CSMD1: variants seen among roughly 807,000 people sequenced by gnomAD.
CSMD1 encodes CUB and sushi domain-containing protein 1.
Under a neutral mutation model 417.5 loss-of-function variants are expected in CSMD1, and 213 were observed. The ratio of observed to expected loss-of-function variants is 0.51; its 90% CI spans 0.46 to 0.57. CSMD1 has a LOEUF of 0.57. Ranked by LOEUF, CSMD1 falls within the 20% of genes least tolerant of loss-of-function variation. The pLI is 0.00. For missense variants in CSMD1, 6,923 were observed against 4,529.7 expected (o/e 1.53, Z -15.17); for synonymous variants, 2,862 against 1,736.8 (o/e 1.65, Z -16.11).
chr8:3,999,216 A>G (rs903569103), intron 4 of CSMD1, among the ~76,000 whole-genome samples: 8 of 151,614 alleles, frequency 5.3e-5, no homozygotes, highest in African/African-American at 9.7e-5. Context: ...TTTAACAGTC[A>G]TTAATTCTGA....
chr8:4,144,811 A>G (rs1804011865), intron 3 of CSMD1, among the ~76,000 whole-genome samples: 2 of 151,044 alleles, frequency 1.3e-5, no homozygotes, highest in African/African-American at 5.0e-5. Flanking sequence ...TGCATCACCA[A>G]AAAGCAACAT....
intron 11 of CSMD1, among the ~76,000 whole-genome samples, chr8:3,483,086 A>G (rs932022404): frequency 4.6e-5 from 7 of 152,154 alleles, no homozygotes; most frequent in African/African-American, 1.7e-4. Context: ...GTAATGCAAA[A>G]TAGACTCAAA....
intron 5 of CSMD1, among the ~76,000 whole-genome samples, chr8:3,878,222 G>C (rs888522184): frequency 1.3e-5 from 2 of 152,098 alleles, no homozygotes; most frequent in African/African-American, 4.8e-5. Context: ...ATATCAAGTA[G>C]TGAGAAGTCG....
rs773522169 is a variant in CSMD1 at position 2,942,480 on chromosome 8, G to A, written c.10527C>T (p.Tyr3509=). The change falls in exon 69 of 70, where the codon TAC becomes TAT. Residue 3509 remains tyrosine, a synonymous_variant. Transcript: ENST00000635120. ...LILSGFAFYL[Y]KHRTRPKVQY... The stretch of plus-strand genomic sequence containing the variant: ...TGGTGTTTCTGCAGTACCTGTGTTT[G>A]TAGAGGTAAAATGCAAACCCTGATA... The A allele has an allele frequency of 1.9e-6, 3 of 1,612,616 alleles. No homozygotes were observed. The African/African-American group carries it at 4.0e-5, about 22-fold the overall frequency.
intron 2 of CSMD1, 47 bp downstream of exon 2, chr8:4,637,293 CTG>C (rs753413475): frequency 9.5e-5 from 133 of 1,397,922 alleles, no homozygotes; most frequent in Non-Finnish European, 1.2e-4. Flanking sequence ...ATTTCATAAT[CTG>C]TGTATTCAAA....
intron 1 of CSMD1, among the ~76,000 whole-genome samples, chr8:4,960,436 T>C (rs1474413304): frequency 6.6e-6 from 1 of 152,218 alleles, no homozygotes; most frequent in Non-Finnish European, 1.5e-5. Context: ...TGAAAACTAC[T>C]TTCACCTGGC....
intron 49 of CSMD1, among the ~76,000 whole-genome samples, chr8:3,062,055 TTCAA>T (rs1276926587): frequency 7.9e-5 from 12 of 152,162 alleles, no homozygotes; most frequent in Admixed American, 5.2e-4. Flanking sequence ...CCTATCAACA[TTCAA>T]TCAATCACTT....
chr8:3,134,477 G>A (rs899581434), intron 41 of CSMD1, among the ~76,000 whole-genome samples: 3 of 152,226 alleles, frequency 2.0e-5, no homozygotes, highest in Non-Finnish European at 4.4e-5. Context: ...AACTTGAGAG[G>A]AGCAGGCAGA....
chr8:3,338,916 T>C (rs996984650), intron 23 of CSMD1, among the ~76,000 whole-genome samples: 11 of 151,644 alleles, frequency 7.3e-5, no homozygotes, highest in Admixed American at 2.6e-4. Flanking sequence ...ACATGTGCCA[T>C]GCTGGTGCGC....
intron 2 of CSMD1, among the ~76,000 whole-genome samples, chr8:4,612,804 C>G (rs1801252841): frequency 6.6e-6 from 1 of 152,220 alleles, no homozygotes. Context: ...CAGCCTCTGT[C>G]TCTTCCTGGC....
At chr8:4,069,342 C>T (rs149929420) in intron 3 of CSMD1, among the ~76,000 whole-genome samples, 18 of 152,298 alleles carry the variant, frequency 1.2e-4, no homozygotes, top group African/African-American at 3.1e-4. Context: ...CAACTCTTAT[C>T]TACAGGTAGT....
At chr8:4,060,253 C>T (rs1217914849) in intron 3 of CSMD1, among the ~76,000 whole-genome samples, 2 of 151,950 alleles carry the variant, frequency 1.3e-5, no homozygotes, top group African/African-American at 2.4e-5. Flanking sequence ...ACCCTTCATG[C>T]TAAAAACTCT....
At chr8:3,874,579 G>C (rs750462255) in intron 5 of CSMD1, among the ~76,000 whole-genome samples, 5 of 152,130 alleles carry the variant, frequency 3.3e-5, no homozygotes, top group African/African-American at 9.7e-5. Context: ...CTGTGATGGA[G>C]ATCTTCTTAA....
intron 11 of CSMD1, among the ~76,000 whole-genome samples, chr8:3,475,903 A>C (rs1389175260): frequency 1.3e-5 from 2 of 152,218 alleles, no homozygotes; most frequent in African/African-American, 4.8e-5. Context: ...TGAAAGCTTA[A>C]TGACAACCAT....
intron 1 of CSMD1, among the ~76,000 whole-genome samples, chr8:4,935,509 CATGAATGAACGA>C (rs1283143221): frequency 6.6e-6 from 1 of 152,190 alleles, no homozygotes; most frequent in Non-Finnish European, 1.5e-5. Context: ...CCATGTGTTT[CATGAATGAACGA>C]ATGAATGAAT....
chr8:4,286,601 T>G (rs1797068899), intron 3 of CSMD1, among the ~76,000 whole-genome samples: 1 of 152,164 alleles, frequency 6.6e-6, no homozygotes, highest in Non-Finnish European at 1.5e-5. Flanking sequence ...CCTCATCTAT[T>G]AGGTTTGGGA....
At chr8:3,880,582 C>A (rs564036962) in intron 5 of CSMD1, among the ~76,000 whole-genome samples, 1 of 152,182 alleles carries the variant, frequency 6.6e-6, no homozygotes, top group African/African-American at 2.4e-5. Flanking sequence ...TTATCTTCCA[C>A]TACACAAATA....
chr8:4,450,532 G>A (rs1014416013), intron 2 of CSMD1, among the ~76,000 whole-genome samples: 1 of 152,086 alleles, frequency 6.6e-6, no homozygotes, highest in Non-Finnish European at 1.5e-5. Context: ...CTACTTGGGA[G>A]GCTGAGGCAC....
intron 2 of CSMD1, among the ~76,000 whole-genome samples, chr8:4,474,990 G>C (rs984039689): frequency 6.6e-6 from 1 of 152,092 alleles, no homozygotes; most frequent in Non-Finnish European, 1.5e-5. Context: ...TAGTAATTAC[G>C]TTTTGGGGGA....
Sources: allele counts gnomAD v4.1 joint callset (sites outside exome capture counted in the v4.1 genomes callset), GRCh38; gene constraint gnomAD v4.1.1; transcripts MANE v1.5; gene names NCBI Gene and HGNC (gene_info 2026-07-23, HGNC 2026-07-21).